THSD1: variants seen among roughly 807,000 people sequenced by gnomAD.
THSD1 encodes the protein thrombospondin type 1 domain containing 1, also known as thrombospondin type-1 domain-containing protein 1.
Under a neutral mutation model 46.3 loss-of-function variants are expected in THSD1, and 34 were observed. The observed-to-expected ratio is 0.74, with a 90% CI of 0.56 to 0.98. The LOEUF is 0.98. THSD1 is among the 50% of genes least tolerant of loss of function. The pLI, the probability that THSD1 is intolerant of heterozygous loss-of-function variation, is 0.00. For synonymous variants in THSD1, 407 were observed against 416.5 expected (o/e 0.98, Z 0.28); for missense variants, 1,023 against 1,058.3 (o/e 0.97, Z 0.46).
intron 3 of THSD1, among the ~76,000 whole-genome samples, chr13:52,391,208 G>A (rs1033623124): frequency 1.3e-5 from 2 of 150,626 alleles, no homozygotes; most frequent in African/African-American, 4.9e-5. Flanking sequence ...ATAGACAGGG[G>A]ACTTAGAATA....
Position 52,397,279 on chromosome 13 carries a change from C to A in THSD1, c.974G>T (p.Ser325Ile). The A allele has an allele frequency of 6.2e-7, 1 of 1,611,348 alleles. No homozygotes were observed. The highest frequency in any genetic ancestry group is 8.5e-7 in the Non-Finnish European group (1 of 1,178,766). Residue 325 changes from serine (S) to isoleucine (I), a missense_variant, in exon 3 of 5, where the codon AGC (serine) becomes ATC (isoleucine). This residue lies in a region of THSD1 where 429 missense variants were observed against 518.3 expected (regional missense o/e 0.83). Transcript: ENST00000258613. ...GCACTCCTCCTTTGCAGAAAAATGG[C>A]TTCTGCTTGAAATGCCAAAGTCAAA... ...YCFDFGISSR[S>I]HFSAKEECML... is the part of the protein sequence containing the mutation.
intron 1 of THSD1, among the ~76,000 whole-genome samples, chr13:52,405,110 T>G (rs1001936755): frequency 3.3e-5 from 5 of 152,226 alleles, no homozygotes; most frequent in African/African-American, 1.2e-4. Context: ...TAGATATATT[T>G]TATACACATT....
At chr13:52,404,078 G>A (rs1285382845) in intron 1 of THSD1, among the ~76,000 whole-genome samples, 1 of 150,856 alleles carries the variant, frequency 6.6e-6, no homozygotes, top group Non-Finnish European at 1.5e-5. Context: ...CTTCTGAGTA[G>A]CGGGGATTAT....
At chr13:52,386,825 A>T (rs769561750) in intron 3 of THSD1, among the ~76,000 whole-genome samples, 4 of 152,204 alleles carry the variant, frequency 2.6e-5, no homozygotes, top group African/African-American at 4.8e-5. Context: ...GAAAGGCCTC[A>T]AACCCTATTA....
At chr13:52,398,910 T>G (rs148592883) in intron 2 of THSD1, among the ~76,000 whole-genome samples, 23 of 152,346 alleles carry the variant, frequency 1.5e-4, no homozygotes, top group African/African-American at 5.5e-4. Flanking sequence ...TTATTTTAAA[T>G]GTAAGACCCT....
chr13:52,392,854 T>C (rs918201212), intron 3 of THSD1, among the ~76,000 whole-genome samples: 1 of 152,226 alleles, frequency 6.6e-6, no homozygotes, highest in Non-Finnish European at 1.5e-5. Flanking sequence ...GCAGTTCAGA[T>C]TTTCTTTGCA....
chr13:52,377,961 A>G lies in THSD1; in HGVS notation c.2009T>C (p.Met670Thr), dbSNP rs753135990. The G allele has an allele frequency of 6.2e-7, 1 of 1,614,100 alleles. No individual in the cohort carries two copies. Among genetic ancestry groups the G allele is most frequent in the Non-Finnish European group, 8.5e-7 (1 of 1,179,998 alleles). The change falls in exon 5 of 5, where the codon ATG (methionine) becomes ACG (threonine). Residue 670 changes from methionine (M) to threonine (T), a missense_variant. Met to Thr is a moderately conservative substitution (Grantham distance 81). Around this residue, in one of 3 missense-constraint regions of THSD1, gnomAD observed 578 missense variants for 497.4 expected, o/e 1.16. Transcript: ENST00000258613. The part of the protein sequence containing the change: ...RQARPFRERS[M>T]STLTPRQAPA... ...GGCCTGCCGTGGAGTCAGAGTGGAC[A>G]TGCTCCTCTCTCGGAACGGCCGGGC...
intron 3 of THSD1, among the ~76,000 whole-genome samples, chr13:52,391,139 T>C (rs1031840905): frequency 6.6e-6 from 1 of 151,992 alleles, no homozygotes; most frequent in Non-Finnish European, 1.5e-5. Context: ...TTATGCAGAG[T>C]ATGTTTTGGT....
chr13:52,401,501 A>G lies in THSD1; in HGVS notation c.58+1042T>C, dbSNP rs1957861426. Among the ~76,000 whole-genome samples the G allele has an allele frequency of 1.3e-5, 2 of 151,342 alleles. 1 individual carries two copies. Among genetic ancestry groups the G allele is most frequent in the Admixed American group, 1.3e-4 (2 of 15,170 alleles). ...TTTTTAGTAGAGATGGGGTTTCACTATGTTAGCCAGGATGGTCTTGGTCTC... is the reference window on the plus strand; with the variant it reads ...TTTTTAGTAGAGATGGGGTTTCACTGTGTTAGCCAGGATGGTCTTGGTCTC... On this transcript the variant is annotated intron_variant, in intron 2 of 4. Coordinates refer to ENST00000258613, the MANE Select transcript of THSD1 (RefSeq NM_018676.4).
At position 52,397,928 on chromosome 13, in the gene THSD1, C is replaced by T. The variant is rs1299117506; in HGVS notation, c.325G>A (p.Asp109Asn). 5 of 1,614,120 alleles carry T rather than the reference C, an allele frequency of 3.1e-6. No individual in the cohort carries two copies. The highest frequency in any genetic ancestry group is 4.2e-6 in the Non-Finnish European group (5 of 1,180,058). Reference protein sequence around the residue: ...YWFTMTPEATDNSTPFPWWEK... With the variant: ...YWFTMTPEATNNSTPFPWWEK... ...CACCAGGGGAATGGAGTGCTGTTGT[C>T]TGTTGCTTCTGGAGTCATTGTGAAC... Residue 109 changes from aspartate to asparagine, a missense_variant, in exon 3 of 5, where the codon GAC (aspartate) becomes AAC (asparagine). Asp to Asn is a conservative substitution (Grantham distance 23). Around this residue, in one of 3 missense-constraint regions of THSD1, gnomAD observed 429 missense variants for 518.3 expected, o/e 0.83. Transcript: ENST00000258613.
At chr13:52,385,950 C>T in intron 4 of THSD1, 78 bp downstream of exon 4, 1 of 1,392,708 alleles carries the variant, frequency 7.2e-7, no homozygotes, top group Non-Finnish European at 9.9e-7. Context: ...ACTGGTAACT[C>T]TCAGGCAGGC....
In THSD1 at chr13:52,391,116, T is replaced by C. The variant is rs574196302; in HGVS notation, c.1022-4930A>G. Among the ~76,000 whole-genome samples, 17 of 152,318 alleles carry C rather than the reference T, an allele frequency of 1.1e-4. No homozygotes were observed. The East Asian group carries it at 3.3e-3, about 29-fold the overall frequency. ...ATTAGAAGTTTTCATCCATAAAGAA[T>C]GGAGAGAGTGTTTTATGCAGAGTAT... On this transcript the variant is annotated intron_variant, in intron 3 of 4. Coordinates refer to ENST00000258613, the MANE Select transcript of THSD1 (RefSeq NM_018676.4).
intron 1 of THSD1, among the ~76,000 whole-genome samples, chr13:52,403,621 A>G (rs1308511900): frequency 2.0e-5 from 3 of 152,092 alleles, no homozygotes; most frequent in Admixed American, 2.0e-4. Flanking sequence ...AGCTGGGACT[A>G]CAGGCGCCCA....
At chr13:52,395,081 G>A (rs1957801864) in intron 3 of THSD1, among the ~76,000 whole-genome samples, 2 of 152,138 alleles carry the variant, frequency 1.3e-5, no homozygotes, top group Admixed American at 1.3e-4. Context: ...AGGGATGTGG[G>A]GGCAGCCTGA....
intron 4 of THSD1, among the ~76,000 whole-genome samples, chr13:52,380,766 G>A (rs752192056): frequency 7.9e-5 from 12 of 152,000 alleles, no homozygotes; most frequent in South Asian, 2.1e-4. Flanking sequence ...AGCAGAGTGC[G>A]TTCCCCAAGC....
intron 3 of THSD1, among the ~76,000 whole-genome samples, chr13:52,395,903 C>A (rs1957806310): frequency 6.6e-6 from 1 of 152,184 alleles, no homozygotes; most frequent in Non-Finnish European, 1.5e-5. Context: ...ATGATGTAAC[C>A]TTGTCACTCA....
intron 3 of THSD1, 26 bp from the exon 4 acceptor site, chr13:52,386,212 A>G: frequency 6.2e-7 from 1 of 1,608,102 alleles, no homozygotes; most frequent in Non-Finnish European, 8.5e-7. Flanking sequence ...TTATGCTTTT[A>G]ATGCTAGTTC....
At chr13:52,396,585 A>G (rs2137743423) in intron 3 of THSD1, among the ~76,000 whole-genome samples, 1 of 152,316 alleles carries the variant, frequency 6.6e-6, no homozygotes, top group South Asian at 2.1e-4. Flanking sequence ...GCCAAATTAA[A>G]CTACTTAATA....
intron 2 of THSD1, among the ~76,000 whole-genome samples, chr13:52,399,245 G>C (rs1217501647): frequency 6.6e-6 from 1 of 152,196 alleles, no homozygotes; most frequent in Non-Finnish European, 1.5e-5. Context: ...TAAGTGAAAA[G>C]TGCAAAGAAT....
Sources: gnomAD v4.1 joint callset for allele counts (sites outside exome capture counted in the v4.1 genomes callset) on GRCh38, gnomAD v4.1.1 for gene constraint, gnomAD v4.1.1 regional missense constraint, MANE v1.5 for transcripts, NCBI Gene and HGNC (gene_info 2026-07-23, HGNC 2026-07-21) for gene names.